NWD2: variants seen among roughly 807,000 people sequenced by gnomAD.
NWD2 encodes NACHT and WD repeat domain containing 2, also known as NACHT and WD repeat domain-containing protein 2.
In NWD2, 37 loss-of-function variants were observed where a neutral mutation model predicts 132.7. The ratio of observed to expected loss-of-function variants is 0.28; its 90% CI spans 0.21 to 0.37. The LOEUF is 0.37. Among genes scored for constraint, NWD2 ranks in the 10% least tolerant of loss-of-function variants. The pLI is 1.00. For synonymous variants in NWD2, 705 were observed against 803.0 expected (o/e 0.88, Z 2.06); for missense variants, 1,592 against 2,122.4 (o/e 0.75, Z 4.91).
chr4:37,265,828 G>T (rs1036105972), intron 1 of NWD2, among the ~76,000 whole-genome samples: 17 of 152,126 alleles, frequency 1.1e-4, no homozygotes, highest in African/African-American at 3.9e-4. Context: ...AATCACATCT[G>T]CAGAGTCAGT....
At chr4:37,376,862 C>A (rs779579395) in intron 3 of NWD2, among the ~76,000 whole-genome samples, 1 of 152,024 alleles carries the variant, frequency 6.6e-6, no homozygotes, top group Non-Finnish European at 1.5e-5. Flanking sequence ...ATTGTGAATT[C>A]TCAGGAGGAA....
At chr4:37,252,912 G>A (rs1327050234) in intron 1 of NWD2, among the ~76,000 whole-genome samples, 1 of 152,070 alleles carries the variant, frequency 6.6e-6, no homozygotes, top group Non-Finnish European at 1.5e-5. Flanking sequence ...AAGGTGGGGA[G>A]AATTAGACCC....
At chr4:37,253,004 C>CT (rs1250978926) in intron 1 of NWD2, among the ~76,000 whole-genome samples, 1 of 142,654 alleles carries the variant, frequency 7.0e-6, no homozygotes, top group Admixed American at 6.8e-5. Flanking sequence ...TACCACAACC[C>CT]CCCCCCCTTA....
At chr4:37,257,705 AT>A (rs1361255735) in intron 1 of NWD2, among the ~76,000 whole-genome samples, 2 of 152,198 alleles carry the variant, frequency 1.3e-5, no homozygotes, top group African/African-American at 4.8e-5. Context: ...CTATATGATC[AT>A]ATATGCTTTT....
At chr4:37,281,257 G>T (rs1455104623) in intron 1 of NWD2, among the ~76,000 whole-genome samples, 1 of 152,136 alleles carries the variant, frequency 6.6e-6, no homozygotes, top group Non-Finnish European at 1.5e-5. Context: ...CTACCCAGTG[G>T]GTGTCCTCGT....
At chr4:37,317,279 T>A (rs981152827) in intron 1 of NWD2, among the ~76,000 whole-genome samples, 1 of 152,206 alleles carries the variant, frequency 6.6e-6, no homozygotes, top group African/African-American at 2.4e-5. Flanking sequence ...TTTCAATCTT[T>A]CTTAAGTTTG....
At chr4:37,262,960 G>A (rs941115189) in intron 1 of NWD2, among the ~76,000 whole-genome samples, 3 of 152,180 alleles carry the variant, frequency 2.0e-5, no homozygotes, top group Admixed American at 6.5e-5. Flanking sequence ...TTTGAGAGAG[G>A]AAATGAAGGC....
intron 3 of NWD2, among the ~76,000 whole-genome samples, chr4:37,364,505 C>T (rs1720051935): frequency 6.6e-6 from 1 of 152,144 alleles, no homozygotes; most frequent in Non-Finnish European, 1.5e-5. Context: ...GCCTTGTCAA[C>T]TCCCTGAGCT....
intron 3 of NWD2, among the ~76,000 whole-genome samples, chr4:37,361,828 T>A (rs113135590): frequency 0.013 from 1,944 of 152,058 alleles, 20 homozygotes; most frequent in Middle Eastern, 0.048. Flanking sequence ...GCTAGAGAAA[T>A]CAGGCAAGAG....
chr4:37,401,995 T>A (rs1720906633), intron 3 of NWD2, among the ~76,000 whole-genome samples: 1 of 152,222 alleles, frequency 6.6e-6, no homozygotes, highest in Admixed American at 6.5e-5. Context: ...CTGGGACTTT[T>A]AAGAGGTGAT....
chr4:37,270,885 C>G lies in NWD2; in HGVS notation c.151+25667C>G, dbSNP rs1171214114. Among the ~76,000 whole-genome samples the G allele has an allele frequency of 2.0e-5, 3 of 151,732 alleles. No individual in the cohort carries two copies. The East Asian group carries it at 5.8e-4, about 29-fold the overall frequency. On this transcript the variant is annotated intron_variant, in intron 1 of 6. Transcript: ENST00000309447. ...TCTTCTAGAAACTATATAACTTTAGCTGTTAGGTTTAATCCAGTTTGAGTG... is the reference window on the plus strand; with the variant it reads ...TCTTCTAGAAACTATATAACTTTAGGTGTTAGGTTTAATCCAGTTTGAGTG...
At chr4:37,245,339 C>T in intron 1 of NWD2, 121 bp downstream of exon 1, 1 of 1,198,564 alleles carries the variant, frequency 8.3e-7, no homozygotes, top group Non-Finnish European at 1.1e-6. Context: ...CAGCTAAAGC[C>T]GTGGCCGCCC....
chr4:37,437,415 C>T (rs955920532), intron 5 of NWD2, among the ~76,000 whole-genome samples: 3 of 152,184 alleles, frequency 2.0e-5, no homozygotes, highest in Non-Finnish European at 4.4e-5. Context: ...ATTACCCAAA[C>T]GCCCCACCTC....
chr4:37,323,665 C>T (rs1473738584), intron 1 of NWD2, among the ~76,000 whole-genome samples: 1 of 152,066 alleles, frequency 6.6e-6, no homozygotes, highest in African/African-American at 2.4e-5. Flanking sequence ...AGCTACCATT[C>T]GACCCAGCAA....
intron 1 of NWD2, among the ~76,000 whole-genome samples, chr4:37,291,014 C>G (rs1439617073): frequency 1.3e-5 from 2 of 152,072 alleles, no homozygotes; most frequent in Admixed American, 6.6e-5. Flanking sequence ...TCTTAAACCC[C>G]TGAGAGCAAA....
At chr4:37,391,974 G>T (rs1036148828) in intron 3 of NWD2, among the ~76,000 whole-genome samples, 8 of 152,192 alleles carry the variant, frequency 5.3e-5, no homozygotes, top group African/African-American at 1.9e-4. Flanking sequence ...GAGGCGGAGG[G>T]TCGATTACTT....
intron 3 of NWD2, among the ~76,000 whole-genome samples, chr4:37,384,195 C>T (rs1338105457): frequency 3.3e-5 from 5 of 152,224 alleles, no homozygotes; most frequent in Admixed American, 3.3e-4. Flanking sequence ...TCTAGCCTGT[C>T]TTCTAAGATG....
chr4:37,443,736 A>G lies in NWD2; in HGVS notation c.1748A>G (p.His583Arg), dbSNP rs1191708117. 1 of 1,552,008 alleles carries G rather than the reference A, an allele frequency of 6.4e-7. No individual in the cohort carries two copies. ...DRKMCSQVLK[H>R]QLLRVKRKVT... ...AAGATGTGCAGCCAGGTCCTCAAAC[A>G]CCAGCTGCTGCGCGTCAAAAGGAAG... The change falls in exon 7 of 7, where the codon CAC becomes CGC. Residue 583 changes from histidine (H) to arginine (R), a missense_variant. Coordinates refer to ENST00000309447, the MANE Select transcript of NWD2 (RefSeq NM_001144990.2). This position sits in a 1 kb window ranked among gnomAD's most constrained non-coding sequence, Gnocchi z 4.1.
chr4:37,433,628 T>C (rs1482064341), intron 4 of NWD2, among the ~76,000 whole-genome samples: 1 of 152,212 alleles, frequency 6.6e-6, no homozygotes, highest in African/African-American at 2.4e-5. Flanking sequence ...AAGCATGGTA[T>C]ATAAGAAAGT....
Sources: allele counts gnomAD v4.1 joint callset (sites outside exome capture counted in the v4.1 genomes callset), GRCh38; gene constraint gnomAD v4.1.1; non-coding constraint Gnocchi (gnomAD v3.1); transcripts MANE v1.5; gene names NCBI Gene and HGNC (gene_info 2026-07-23, HGNC 2026-07-21).